Variants in CDON observed in about 807,000 individuals in gnomAD.
CDON encodes cell adhesion associated, oncogene regulated, also known as cell adhesion molecule-related/down-regulated by oncogenes.
Under a neutral mutation model 120.9 loss-of-function variants are expected in CDON, and 73 were observed. The ratio of observed to expected loss-of-function variants is 0.60; its 90% CI spans 0.50 to 0.73. The LOEUF (loss-of-function observed/expected upper bound fraction) is 0.73, where lower values mean the gene tolerates loss of function less well. Ranked by LOEUF, CDON falls within the 30% of genes least tolerant of loss-of-function variation. The pLI, the probability that CDON is intolerant of heterozygous loss-of-function variation, is 0.00. For missense variants in CDON, 1,470 were observed against 1,587.3 expected (o/e 0.93, Z 1.26); for synonymous variants, 566 against 573.5 (o/e 0.99, Z 0.19).
intron 1 of CDON, among the ~76,000 whole-genome samples, chr11:126,032,552 C>T (rs759203440): frequency 8.5e-5 from 13 of 152,096 alleles, no homozygotes; most frequent in South Asian, 2.1e-4. Context: ...CATGATCAGT[C>T]CCGTACCTTT....
intron 12 of CDON, among the ~76,000 whole-genome samples, chr11:125,996,479 A>G (rs1946787175): frequency 6.6e-6 from 1 of 151,870 alleles, no homozygotes; most frequent in Admixed American, 6.6e-5. Flanking sequence ...CAGGCAGATC[A>G]CCTGAGGTCA....
chr11:125,970,391 T>A (rs1308099026), intron 18 of CDON, among the ~76,000 whole-genome samples: 1 of 151,990 alleles, frequency 6.6e-6, no homozygotes, highest in African/African-American at 2.4e-5. Flanking sequence ...GTCAGGCTGG[T>A]CTCGAACTTC....
At chr11:126,052,822 CAAAA>C (rs34621999) in intron 1 of CDON, among the ~76,000 whole-genome samples, 1 of 78,558 alleles carries the variant, frequency 1.3e-5, no homozygotes. Context: ...GACTCCGTCT[CAAAA>C]AAAAAAAAAA....
At chr11:126,030,775 T>A (rs1220025758) in intron 1 of CDON, among the ~76,000 whole-genome samples, 2 of 152,200 alleles carry the variant, frequency 1.3e-5, no homozygotes, top group African/African-American at 4.8e-5. Context: ...AAATATAGTA[T>A]ATACTGTTTT....
chr11:125,993,389 G>A (rs908517620), intron 14 of CDON, among the ~76,000 whole-genome samples: 27 of 57,512 alleles, frequency 4.7e-4, no homozygotes, highest in African/African-American at 1.8e-3. Flanking sequence ...ACATGCGCGC[G>A]TGCGTGCACA....
At chr11:126,047,741 G>A (rs899676881) in intron 1 of CDON, among the ~76,000 whole-genome samples, 4 of 152,168 alleles carry the variant, frequency 2.6e-5, no homozygotes, top group African/African-American at 9.7e-5. Flanking sequence ...GTGGAGCCTG[G>A]CTTTGACTCC....
At chr11:125,981,848 C>G (rs1946310738) in intron 16 of CDON, among the ~76,000 whole-genome samples, 1 of 151,794 alleles carries the variant, frequency 6.6e-6, no homozygotes, top group Non-Finnish European at 1.5e-5. Context: ...TAGCAATAAA[C>G]AACTCTGTTA....
At chr11:125,973,729 G>A (rs1436553570) in intron 18 of CDON, among the ~76,000 whole-genome samples, 1 of 152,046 alleles carries the variant, frequency 6.6e-6, no homozygotes, top group East Asian at 1.9e-4. Context: ...GGTCCCCTTT[G>A]CCTGGAAAGC....
intron 1 of CDON, among the ~76,000 whole-genome samples, chr11:126,032,432 A>C (rs1947967900): frequency 6.6e-6 from 1 of 152,172 alleles, no homozygotes; most frequent in South Asian, 2.1e-4. Context: ...GTGAGGGGAA[A>C]GCAACATAAA....
intron 10 of CDON, 34 bp downstream of exon 10, chr11:126,003,868 C>T (rs1432307157): frequency 1.3e-6 from 2 of 1,593,762 alleles, no homozygotes; most frequent in Non-Finnish European, 1.7e-6. Flanking sequence ...ATCAGGGCAG[C>T]CAGCTCATTC....
chr11:125,973,647 G>T (rs1946067397), intron 18 of CDON, among the ~76,000 whole-genome samples: 1 of 152,158 alleles, frequency 6.6e-6, no homozygotes, highest in Non-Finnish European at 1.5e-5. Context: ...CAGTTACTAG[G>T]TTTCTGCTAT....
At chr11:125,994,829 T>C (rs367964490) in intron 13 of CDON, 42 bp downstream of exon 13, 53 of 1,559,940 alleles carry the variant, frequency 3.4e-5, no homozygotes, top group Admixed American at 2.5e-4. Flanking sequence ...ATTGTTAACA[T>C]GACCAAACCA....
chr11:125,964,957 C>T (rs1051574835), intron 18 of CDON, among the ~76,000 whole-genome samples: 1 of 152,162 alleles, frequency 6.6e-6, no homozygotes, highest in Admixed American at 6.5e-5. Flanking sequence ...GAAGGAGTCT[C>T]GCTCCGTTGC....
chr11:126,049,527 C>A (rs967128581), intron 1 of CDON, among the ~76,000 whole-genome samples: 1 of 152,206 alleles, frequency 6.6e-6, no homozygotes, highest in Non-Finnish European at 1.5e-5. Flanking sequence ...TCAATATGGT[C>A]ATCAGAAGTC....
chr11:126,019,591 G>A (rs1336040403), intron 4 of CDON, 28 bp downstream of exon 4: 2 of 1,612,952 alleles, frequency 1.2e-6, no homozygotes, highest in South Asian at 1.1e-5. Flanking sequence ...TTCTGTGTGT[G>A]CCACCGGCTT....
chr11:126,024,570 G>C (rs1947735564), intron 1 of CDON, among the ~76,000 whole-genome samples: 1 of 150,908 alleles, frequency 6.6e-6, no homozygotes. Context: ...AAGACTAGAG[G>C]AGAGACAGAA....
chr11:126,058,662 G>A (rs181996609), intron 1 of CDON, among the ~76,000 whole-genome samples: 28 of 152,286 alleles, frequency 1.8e-4, no homozygotes, highest in Non-Finnish European at 7.3e-5. Context: ...AAAACCAGGA[G>A]CATTGGAATT....
intron 11 of CDON, among the ~76,000 whole-genome samples, chr11:125,998,113 C>A (rs1157241495): frequency 1.3e-5 from 2 of 152,220 alleles, no homozygotes; most frequent in African/African-American, 2.4e-5. Context: ...CTTAGCACTG[C>A]CAAGGAAAGG....
At chr11:126,031,005 C>T (rs1358937464) in intron 1 of CDON, among the ~76,000 whole-genome samples, 2 of 151,992 alleles carry the variant, frequency 1.3e-5, no homozygotes, top group Admixed American at 1.3e-4. Flanking sequence ...CAAAGATATA[C>T]CAAACTAAAG....
Sources: gnomAD v4.1 joint callset for allele counts (sites outside exome capture counted in the v4.1 genomes callset) on GRCh38, gnomAD v4.1.1 for gene constraint, MANE v1.5 for transcripts, NCBI Gene and HGNC (gene_info 2026-07-23, HGNC 2026-07-21) for gene names.